RAB37: variants seen among roughly 807,000 people sequenced by gnomAD.
RAB37 encodes the protein ras-related protein Rab-37.
Under a neutral mutation model 33.1 loss-of-function variants are expected in RAB37, and 29 were observed. The observed-to-expected ratio is 0.88, with a 90% CI of 0.65 to 1.20. The LOEUF (loss-of-function observed/expected upper bound fraction) is 1.20, where lower values mean the gene tolerates loss of function less well. Among genes scored for constraint, RAB37 ranks in the 50% most tolerant of loss-of-function variants. RAB37 has a pLI of 0.00. For synonymous variants in RAB37, 128 were observed against 119.5 expected (o/e 1.07, Z -0.47); for missense variants, 299 against 301.1 (o/e 0.99, Z 0.05).
At chr17:74,704,928 A>T in intron 1 of RAB37, 1 of 849,196 alleles carries the variant, frequency 1.2e-6, no homozygotes, top group Non-Finnish European at 1.8e-6. Flanking sequence ...ATAACAGTCA[A>T]GGAAGAAATA....
intron 1 of RAB37, among the ~76,000 whole-genome samples, chr17:74,721,605 G>T (rs1295862330): frequency 6.6e-6 from 1 of 151,952 alleles, no homozygotes; most frequent in Non-Finnish European, 1.5e-5. Flanking sequence ...GCTAATTTTT[G>T]TATTTTCAGT....
chr17:74,716,855 C>T (rs778197260), intron 1 of RAB37, among the ~76,000 whole-genome samples: 5 of 152,180 alleles, frequency 3.3e-5, no homozygotes, highest in Admixed American at 2.0e-4. Flanking sequence ...ATTTCCTGGC[C>T]GGGTGCAGTG....
chr17:74,733,248 T>C (rs2034414686), upstream of RAB37, among the ~76,000 whole-genome samples: 1 of 152,048 alleles, frequency 6.6e-6, no homozygotes, highest in South Asian at 2.1e-4. Flanking sequence ...GGTAGGTGTG[T>C]TTGTTTATAG....
intron 1 of RAB37, among the ~76,000 whole-genome samples, chr17:74,718,359 C>A (rs1034686898): frequency 6.6e-6 from 1 of 151,794 alleles, no homozygotes; most frequent in South Asian, 2.1e-4. Context: ...CATATCATAT[C>A]ATATCCACCC....
upstream of RAB37, among the ~76,000 whole-genome samples, chr17:74,732,624 A>AG (rs113587984): frequency 8.9e-6 from 1 of 112,128 alleles, no homozygotes; most frequent in Non-Finnish European, 1.9e-5. Flanking sequence ...GTGTGATTTG[A>AG]AGTGTGTGTG....
At chr17:74,673,901 G>T (rs1284230536) in intron 1 of RAB37, among the ~76,000 whole-genome samples, 1 of 152,098 alleles carries the variant, frequency 6.6e-6, no homozygotes, top group Non-Finnish European at 1.5e-5. Context: ...ACTACTTTAT[G>T]ATTGTGCATG....
At position 74,719,955 on chromosome 17, in the gene RAB37, G is replaced by A. The variant is rs545991858; in HGVS notation, c.73-9301G>A. ...GGCCTCTATTGCCTCCCTGAGAAAA[G>A]TTAATCATACTCCAGCAGATAAACC... On this transcript the variant is annotated intron_variant, in intron 1 of 7. Coordinates refer to the RAB37 transcript ENST00000340415. Among the ~76,000 whole-genome samples, 3 of 152,308 alleles carry A rather than the reference G, an allele frequency of 2.0e-5. No homozygotes were observed. In the South Asian group the frequency reaches 6.2e-4, roughly 32 times the overall value.
chr17:74,683,171 CA>C (rs369652166), intron 1 of RAB37, among the ~76,000 whole-genome samples: 3 of 152,204 alleles, frequency 2.0e-5, no homozygotes, highest in African/African-American at 7.2e-5. Flanking sequence ...ACTTGGGAAA[CA>C]AACTGCTGTC....
rs2034374494 is a variant in RAB37, at chr17:74,730,781, A to G, written c.183+1415A>G. Among the ~76,000 whole-genome samples, 1 of 152,040 alleles carries G rather than the reference A, an allele frequency of 6.6e-6. No individual in the cohort carries two copies. Among genetic ancestry groups the G allele is most frequent in the South Asian group, 2.1e-4 (1 of 4,820 alleles). On this transcript the variant is annotated intron_variant, in intron 2 of 7. Coordinates refer to the RAB37 transcript ENST00000340415. The surrounding 1 kb of genome is among the most constrained non-coding windows in gnomAD (Gnocchi z 4.4). ...TGCCTGTCTGGTGAGGAAGGAAGAG[A>G]GTGGGGTGGATGTGGCTGTGGACAT... is the stretch of plus-strand genomic sequence containing the variant.
intron 1 of RAB37, among the ~76,000 whole-genome samples, chr17:74,693,121 C>A (rs768761630): frequency 6.6e-6 from 1 of 152,132 alleles, no homozygotes; most frequent in Admixed American, 6.5e-5. Context: ...GCCACTGCCC[C>A]CTAAGTGGCC....
chr17:74,705,543 G>T (rs957737190), intron 1 of RAB37, among the ~76,000 whole-genome samples: 3 of 151,906 alleles, frequency 2.0e-5, no homozygotes, highest in African/African-American at 4.8e-5. Flanking sequence ...AGAAAAGCAG[G>T]TATTATAGAC....
At chr17:74,698,717 T>G (rs1159377516) in intron 1 of RAB37, 1 of 1,012,702 alleles carries the variant, frequency 9.9e-7, no homozygotes, top group Non-Finnish European at 1.4e-6. Flanking sequence ...GGATGGAGGG[T>G]GGGAGGAAGC....
At chr17:74,710,950 G>A (rs886701772) in intron 1 of RAB37, among the ~76,000 whole-genome samples, 1 of 151,962 alleles carries the variant, frequency 6.6e-6, no homozygotes, top group African/African-American at 2.4e-5. Flanking sequence ...CAAGGCAGGA[G>A]GATCACTTGA....
Position 74,671,599 on chromosome 17 carries a change from A to G in RAB37, c.13A>G (p.Arg5Gly), listed in dbSNP as rs367548474. 4 of 1,614,112 alleles carry G rather than the reference A, an allele frequency of 2.5e-6. No individual in the cohort carries two copies. In the African/African-American group the frequency reaches 5.3e-5, roughly 22 times the overall value. ...CTCCAAGCCTGGCATGGACCTGCAG[A>G]GACCCGATTCCTACCAGGGAGGAGC... is the stretch of plus-strand genomic sequence containing the variant. Residue 5 changes from arginine to glycine, a missense_variant, in exon 1 of 8, where the codon AGA becomes GGA. By Grantham distance (125) the Arg-to-Gly change is moderately radical. Transcript: ENST00000340415. The surrounding 1 kb of genome is among the most constrained non-coding windows in gnomAD (Gnocchi z 5.0).
chr17:74,714,454 G>A (rs2034131995), intron 1 of RAB37, among the ~76,000 whole-genome samples: 1 of 151,428 alleles, frequency 6.6e-6, no homozygotes. Context: ...GAGAGGTTCA[G>A]AGAGAAGGGA....
At position 74,742,199 on chromosome 17, in the gene RAB37, A is replaced by G; in HGVS notation, c.205-55A>G. ...AGGGAACAAGACAGGACGTCTGCAG[A>G]GCTGAGGAGCCACATGACTCCTGCC... On this transcript the variant is annotated intron_variant, in intron 2 of 8. Coordinates refer to ENST00000392613, the MANE Select transcript of RAB37 (RefSeq NM_001006638.3). This position sits in a 1 kb window ranked among gnomAD's most constrained non-coding sequence, Gnocchi z 4.0. The G allele has an allele frequency of 6.2e-7, 1 of 1,600,422 alleles. No individual in the cohort carries two copies. The highest frequency in any genetic ancestry group is 8.5e-7 in the Non-Finnish European group (1 of 1,172,966).
chr17:74,708,159 A>C (rs1419708397), intron 1 of RAB37, among the ~76,000 whole-genome samples: 2 of 151,594 alleles, frequency 1.3e-5, no homozygotes, highest in Admixed American at 6.6e-5. Flanking sequence ...AAAAAAAAAA[A>C]AAGAAAAAAG....
In RAB37 at chr17:74,676,678, A is replaced by G. The variant is rs1416443347; in HGVS notation, c.72+5020A>G. 1.3e-5 allele frequency among the ~76,000 whole-genome samples: 2 copies of G among 152,208 alleles called. No homozygotes were observed. The highest frequency in any genetic ancestry group is 2.9e-5 in the Non-Finnish European group (2 of 68,036). On this transcript the variant is annotated intron_variant, in intron 1 of 7. Transcript: ENST00000340415. The surrounding 1 kb of genome is among the most constrained non-coding windows in gnomAD (Gnocchi z 4.1). ...GTCATTGTCGAGAATATAGACGCAA[A>G]TGATTCCCACCTTCACTAAGCCTGT...
chr17:74,702,061 A>G (rs1280257356), intron 1 of RAB37, among the ~76,000 whole-genome samples: 1 of 152,044 alleles, frequency 6.6e-6, no homozygotes, highest in African/African-American at 2.4e-5. Flanking sequence ...AATTTAAAAA[A>G]AAAACAGAAG....
Sources: gnomAD v4.1 joint callset for allele counts (sites outside exome capture counted in the v4.1 genomes callset) on GRCh38, gnomAD v4.1.1 for gene constraint, Gnocchi (gnomAD v3.1) non-coding constraint, MANE v1.5 for transcripts, NCBI Gene and HGNC (gene_info 2026-07-23, HGNC 2026-07-21) for gene names.